The following CFDP1 variants were observed in gnomAD, a reference collection of about 807,000 sequenced individuals.
CFDP1 encodes chromatin remodeling protein CFDP1.
CFDP1 carries 31 observed loss-of-function variants against 40.1 expected under a neutral mutation model. The observed-to-expected ratio is 0.77, with a 90% CI of 0.58 to 1.04. The LOEUF (loss-of-function observed/expected upper bound fraction) is 1.04. Ranked by LOEUF, CFDP1 falls within the 50% of genes least tolerant of loss-of-function variation. The probability of loss-of-function intolerance (pLI) is 0.00; values close to 1 mark genes in which losing one functional copy is unlikely to be tolerated. For missense variants in CFDP1, 423 were observed against 343.4 expected (o/e 1.23, Z -1.83); for synonymous variants, 167 against 120.0 (o/e 1.39, Z -2.56).
chr16:75,301,463 C>T (rs930111709), intron 6 of CFDP1, among the ~76,000 whole-genome samples: 2 of 151,670 alleles, frequency 1.3e-5, no homozygotes, highest in African/African-American at 4.9e-5. Context: ...GACAGCCTGC[C>T]CAGAGCCTGT....
intron 1 of CFDP1, among the ~76,000 whole-genome samples, chr16:75,423,635 C>T (rs1173725742): frequency 6.6e-6 from 1 of 152,086 alleles, no homozygotes; most frequent in Non-Finnish European, 1.5e-5. Context: ...CTGCTTCAGC[C>T]TCCCGAGCAG....
chr16:75,298,338 T>C (rs2078198614), intron 6 of CFDP1, among the ~76,000 whole-genome samples: 1 of 152,176 alleles, frequency 6.6e-6, no homozygotes, highest in African/African-American at 2.4e-5. Flanking sequence ...TAAGGCCCAA[T>C]GGAGTGCTGA....
chr16:75,401,616 G>T (rs573648469), intron 4 of CFDP1, among the ~76,000 whole-genome samples: 1 of 151,940 alleles, frequency 6.6e-6, no homozygotes, highest in Non-Finnish European at 1.5e-5. Context: ...ATAAAAAAAA[G>T]ATTCACATCA....
chr16:75,406,111 A>C (rs1003102545), intron 4 of CFDP1, among the ~76,000 whole-genome samples: 4 of 151,952 alleles, frequency 2.6e-5, no homozygotes, highest in Admixed American at 2.6e-4. Flanking sequence ...GCAGTGGCTC[A>C]TACCTGTAAT....
intron 4 of CFDP1, among the ~76,000 whole-genome samples, chr16:75,398,416 A>G (rs1311682564): frequency 1.3e-5 from 2 of 152,168 alleles, no homozygotes; most frequent in Admixed American, 6.5e-5. Context: ...AGTCTGTGTC[A>G]TCACCCCTTG....
intron 5 of CFDP1, among the ~76,000 whole-genome samples, chr16:75,331,329 C>A (rs1448695258): frequency 1.3e-5 from 2 of 152,124 alleles, no homozygotes; most frequent in Non-Finnish European, 2.9e-5. Context: ...GTTGCCCAGG[C>A]TGGTCTCAAA....
chr16:75,401,553 T>C (rs1026009794), intron 4 of CFDP1, among the ~76,000 whole-genome samples: 3 of 151,872 alleles, frequency 2.0e-5, no homozygotes, highest in African/African-American at 7.3e-5. Context: ...TGAGCTGAGA[T>C]AGCGCCACTA....
chr16:75,377,091 C>T (rs760884479), intron 5 of CFDP1, among the ~76,000 whole-genome samples: 9 of 152,206 alleles, frequency 5.9e-5, no homozygotes, highest in Non-Finnish European at 1.0e-4. Flanking sequence ...ACTTCCTGAG[C>T]AAAGCCAAGA....
At chr16:75,372,343 A>G (rs936461468) in intron 5 of CFDP1, 2 of 152,304 alleles carry the variant, frequency 1.3e-5, no homozygotes, top group Admixed American at 1.3e-4. Flanking sequence ...TGAATAACTC[A>G]ACAATGGGCA....
chr16:75,352,992 G>C (rs746384631), intron 5 of CFDP1, among the ~76,000 whole-genome samples: 1 of 152,086 alleles, frequency 6.6e-6, no homozygotes, highest in Non-Finnish European at 1.5e-5. Flanking sequence ...CAGGACAGAG[G>C]AACATGTTAA....
At chr16:75,429,329 C>A (rs1337641862) in intron 1 of CFDP1, among the ~76,000 whole-genome samples, 4 of 152,058 alleles carry the variant, frequency 2.6e-5, no homozygotes, top group Admixed American at 6.6e-5. Context: ...GCCTGAGGGG[C>A]ATGGTTACTT....
intron 5 of CFDP1, among the ~76,000 whole-genome samples, chr16:75,380,507 A>T (rs950398545): frequency 6.6e-6 from 1 of 152,086 alleles, no homozygotes; most frequent in African/African-American, 2.4e-5. Context: ...AACTAGAACT[A>T]AGGCTAAAAG....
chr16:75,423,522 T>C (rs2079302752), intron 1 of CFDP1, among the ~76,000 whole-genome samples: 1 of 152,012 alleles, frequency 6.6e-6, no homozygotes, highest in East Asian at 1.9e-4. Flanking sequence ...GTTGGTTTTT[T>C]TTTGTTTTTT....
chr16:75,299,779 G>GC (rs1165127250), intron 6 of CFDP1, among the ~76,000 whole-genome samples: 1 of 152,142 alleles, frequency 6.6e-6, no homozygotes, highest in Non-Finnish European at 1.5e-5. Context: ...GTTCATAGAT[G>GC]AACAAAACAT....
chr16:75,296,523 C>A lies in CFDP1; in HGVS notation c.810-2481G>T, dbSNP rs76869007. Among the ~76,000 whole-genome samples, 440 of 152,298 alleles carry A rather than the reference C, an allele frequency of 2.9e-3. 1 individual carries two copies. The highest frequency in any genetic ancestry group is 0.01 in the African/African-American group (421 of 41,562). On this transcript the variant is annotated intron_variant, in intron 6 of 6. Coordinates refer to ENST00000283882, the MANE Select transcript of CFDP1 (RefSeq NM_006324.3). The stretch of plus-strand genomic sequence containing the variant: ...TGCTAGGATTACAGGTGAGAGCCAT[C>A]GGGCCCAGCCCTGACTTTCCTGTAA...
At chr16:75,430,186 T>A (rs1485490235) in intron 1 of CFDP1, among the ~76,000 whole-genome samples, 1 of 41,786 alleles carries the variant, frequency 2.4e-5, no homozygotes, top group Non-Finnish European at 8.4e-5. Context: ...TGTTTGTTTT[T>A]TCGAGATGGA....
chr16:75,311,770 AT>A lies in CFDP1; in HGVS notation c.651-6589del, dbSNP rs548463039. Among the ~76,000 whole-genome samples, 283 of 141,772 alleles carry A rather than the reference AT, an allele frequency of 2.0e-3. 1 individual carries two copies. The highest frequency in any genetic ancestry group is 0.015 in the Middle Eastern group (4 of 268). 93.0% of individuals were successfully genotyped at this position (141,772 alleles called of 152,430 possible). ...TACAATGTAGGAATGGACCTTTACA[AT>A]TTTTTTTTTTTTTTTTCAAGAAAGA... On this transcript the variant is annotated intron_variant, in intron 5 of 6. Coordinates refer to ENST00000283882, the MANE Select transcript of CFDP1 (RefSeq NM_006324.3).
intron 5 of CFDP1, among the ~76,000 whole-genome samples, chr16:75,356,099 T>A (rs2078642722): frequency 6.6e-6 from 1 of 152,222 alleles, no homozygotes; most frequent in Non-Finnish European, 1.5e-5. Flanking sequence ...ATCACAAATG[T>A]TCTTAATGGC....
At chr16:75,370,384 C>G (rs111742103) in intron 5 of CFDP1, among the ~76,000 whole-genome samples, 2 of 152,008 alleles carry the variant, frequency 1.3e-5, no homozygotes, top group Admixed American at 6.6e-5. Flanking sequence ...TGAGCCACCA[C>G]GCTCGGCCAA....
Sources: gnomAD v4.1 joint callset for allele counts (sites outside exome capture counted in the v4.1 genomes callset) on GRCh38, gnomAD v4.1.1 for gene constraint, MANE v1.5 for transcripts, NCBI Gene and HGNC (gene_info 2026-07-23, HGNC 2026-07-21) for gene names.